Variants in CNPY1 observed in about 807,000 individuals in gnomAD.
The protein encoded by CNPY1 is canopy FGF signaling regulator 1, also known as protein canopy homolog 1.
Under a neutral mutation model 14.4 loss-of-function variants are expected in CNPY1, and 14 were observed. The observed-to-expected ratio is 0.97, with a 90% CI of 0.64 to 1.52. The LOEUF (loss-of-function observed/expected upper bound fraction) is 1.52, where lower values mean the gene tolerates loss of function less well. Among genes scored for constraint, CNPY1 ranks in the 40% most tolerant of loss-of-function variants. CNPY1 has a pLI of 0.00. For synonymous variants in CNPY1, 43 were observed against 46.5 expected (o/e 0.92, Z 0.31); for missense variants, 129 against 131.5 (o/e 0.98, Z 0.09).
intron 2 of CNPY1, among the ~76,000 whole-genome samples, chr7:155,518,090 T>C (rs1427743299): frequency 6.6e-6 from 1 of 152,054 alleles, no homozygotes; most frequent in Non-Finnish European, 1.5e-5. Flanking sequence ...CCCGTGAAGC[T>C]CTCTCTGCCG....
chr7:155,513,914 T>C (rs1796570452), intron 2 of CNPY1, among the ~76,000 whole-genome samples: 1 of 152,260 alleles, frequency 6.6e-6, no homozygotes. Flanking sequence ...CTTTAATTTT[T>C]GAACATTTTA....
chr7:155,524,661 C>T (rs1404566118), intron 2 of CNPY1, among the ~76,000 whole-genome samples: 1 of 152,158 alleles, frequency 6.6e-6, no homozygotes, highest in Non-Finnish European at 1.5e-5. Context: ...AAGCTCAGGG[C>T]TCCCACTGAT....
intron 2 of CNPY1, among the ~76,000 whole-genome samples, chr7:155,517,593 C>T (rs554039100): frequency 1.1e-4 from 17 of 152,188 alleles, no homozygotes; most frequent in Admixed American, 2.6e-4. Flanking sequence ...CCACCCCACA[C>T]GCCAAGCAAC....
chr7:155,504,923 T>C (rs1231024894), intron 4 of CNPY1, among the ~76,000 whole-genome samples: 2 of 152,240 alleles, frequency 1.3e-5, no homozygotes, highest in African/African-American at 2.4e-5. Context: ...CATCTCACCC[T>C]TCAGTTGTCT....
chr7:155,535,160 A>C (rs918592772), intron 2 of CNPY1, among the ~76,000 whole-genome samples: 8 of 152,220 alleles, frequency 5.3e-5, no homozygotes, highest in Admixed American at 5.2e-4. Flanking sequence ...CCTAATGCCA[A>C]ATCCAACATT....
intron 2 of CNPY1, among the ~76,000 whole-genome samples, chr7:155,532,699 A>C (rs1796961932): frequency 1.5e-5 from 1 of 65,912 alleles, no homozygotes. Flanking sequence ...TAGGTTGCTG[A>C]GAATTTTTTT....
intron 2 of CNPY1, among the ~76,000 whole-genome samples, chr7:155,513,660 A>G (rs1031212129): frequency 1.3e-5 from 2 of 151,498 alleles, no homozygotes; most frequent in Admixed American, 1.3e-4. Context: ...TTGGGGGGAT[A>G]TTTTTCCAGA....
intron 2 of CNPY1, among the ~76,000 whole-genome samples, chr7:155,528,877 G>A (rs1196525943): frequency 4.6e-5 from 7 of 152,138 alleles, no homozygotes; most frequent in Admixed American, 6.5e-5. Flanking sequence ...TGGCTAACAT[G>A]ATGAAACTGT....
chr7:155,545,142 T>A (rs904772774), intron 2 of CNPY1, among the ~76,000 whole-genome samples: 3 of 152,192 alleles, frequency 2.0e-5, no homozygotes, highest in African/African-American at 7.2e-5. Context: ...CCACTTCTGT[T>A]TAGCTTTGAG....
intron 2 of CNPY1, among the ~76,000 whole-genome samples, chr7:155,521,058 G>A (rs867433723): frequency 0.015 from 1,695 of 114,340 alleles, 28 homozygotes; most frequent in African/African-American, 0.072. Context: ...AAAGAAAGAA[G>A]GAAGGAAGGA....
chr7:155,504,300 T>C (rs7799936), intron 4 of CNPY1, among the ~76,000 whole-genome samples: 7,280 of 152,270 alleles, frequency 0.048, 577 homozygotes, highest in African/African-American at 0.16. Context: ...AGTGATGTGT[T>C]ATATTTTCAT....
intron 4 of CNPY1, among the ~76,000 whole-genome samples, chr7:155,505,476 G>A (rs1796273537): frequency 6.6e-6 from 1 of 152,154 alleles, no homozygotes; most frequent in African/African-American, 2.4e-5. Flanking sequence ...ATATGCAGAA[G>A]GAATGAAGAA....
intron 2 of CNPY1, among the ~76,000 whole-genome samples, chr7:155,526,449 G>A (rs1464393867): frequency 6.6e-6 from 1 of 152,160 alleles, no homozygotes; most frequent in Non-Finnish European, 1.5e-5. Flanking sequence ...TGGGGGAGAG[G>A]AGCCACCGCA....
chr7:155,505,517 ATTGACAAAC>A (rs1796274691), intron 4 of CNPY1, among the ~76,000 whole-genome samples: 1 of 152,198 alleles, frequency 6.6e-6, no homozygotes, highest in South Asian at 2.1e-4. Context: ...ATTAAGTCAA[ATTGACAAAC>A]TTGGGAGCAG....
chr7:155,534,766 C>G (rs1260063528), intron 2 of CNPY1, among the ~76,000 whole-genome samples: 1 of 152,220 alleles, frequency 6.6e-6, no homozygotes, highest in African/African-American at 2.4e-5. Flanking sequence ...AGGCCACAGT[C>G]AGGCCACAAC....
intron 2 of CNPY1, among the ~76,000 whole-genome samples, chr7:155,516,941 T>C (rs943079642): frequency 1.3e-5 from 2 of 152,194 alleles, no homozygotes; most frequent in Non-Finnish European, 2.9e-5. Context: ...ACTGCTGTGA[T>C]TGGGGTCTCC....
Position 155,511,722 on chromosome 7 carries a change from G to A in CNPY1, c.100-2625C>T, listed in dbSNP as rs1796535869. ...GAAAATGTTTGCTGGCAGCTAGCTC[G>A]GAGACACTACCTTACGATGTTCGTT... On this transcript the variant is annotated intron_variant, in intron 2 of 4. Coordinates refer to ENST00000636446, the MANE Select transcript of CNPY1 (RefSeq NM_001393663.1). 2.6e-5 allele frequency among the ~76,000 whole-genome samples: 4 copies of A among 152,136 alleles called. No individual in the cohort carries two copies. In the South Asian group the frequency reaches 8.3e-4, roughly 32 times the overall value.
At chr7:155,506,690 C>T (rs1053318165) in intron 4 of CNPY1, 1 of 244,854 alleles carries the variant, frequency 4.1e-6, no homozygotes, top group African/African-American at 2.3e-5. Context: ...GAAAAATCCT[C>T]TCTCTCAAAG....
intron 2 of CNPY1, among the ~76,000 whole-genome samples, chr7:155,533,079 T>C (rs1486305718): frequency 6.6e-6 from 1 of 152,206 alleles, no homozygotes; most frequent in Non-Finnish European, 1.5e-5. Flanking sequence ...TGCACATCGC[T>C]AGAGGATCTT....
Sources: gnomAD v4.1 joint callset for allele counts (sites outside exome capture counted in the v4.1 genomes callset) on GRCh38, gnomAD v4.1.1 for gene constraint, MANE v1.5 for transcripts, NCBI Gene and HGNC (gene_info 2026-07-23, HGNC 2026-07-21) for gene names.